The following FBF1 variants were observed in gnomAD, a reference collection of about 807,000 sequenced individuals.
The protein encoded by FBF1 is Fas binding factor 1, also known as fas-binding factor 1.
In FBF1, 119 loss-of-function variants were observed where a neutral mutation model predicts 147.2. The observed-to-expected ratio is 0.81, with a 90% CI of 0.70 to 0.94. The LOEUF (loss-of-function observed/expected upper bound fraction) is 0.94. Ranked by LOEUF, FBF1 falls within the 40% of genes least tolerant of loss-of-function variation. The pLI is 0.00. For missense variants in FBF1, 1,449 were observed against 1,500.8 expected (o/e 0.97, Z 0.57); for synonymous variants, 601 against 609.0 (o/e 0.99, Z 0.19).
intron 23 of FBF1, among the ~76,000 whole-genome samples, chr17:75,916,455 A>G (rs1157586914): frequency 6.6e-5 from 10 of 152,196 alleles, no homozygotes; most frequent in African/African-American, 2.4e-4. Context: ...CCCACATCTC[A>G]GTAAAAAATA....
chr17:75,921,616 G>A (rs527923844), intron 15 of FBF1, 56 bp from the exon 16 acceptor site: 3 of 1,387,830 alleles, frequency 2.2e-6, no homozygotes, highest in East Asian at 2.4e-5. Flanking sequence ...CACGGGGACG[G>A]GGCAGGGTGG....
intron 3 of FBF1, among the ~76,000 whole-genome samples, 191 bp from the exon 4 acceptor site, chr17:75,935,864 C>T (rs2065621488): frequency 6.6e-6 from 1 of 152,136 alleles, no homozygotes; most frequent in Non-Finnish European, 1.5e-5. Context: ...GTTGAAATAC[C>T]CCGAGGCAGA....
At chr17:75,931,653 G>A (rs1014544086) in intron 5 of FBF1, among the ~76,000 whole-genome samples, 2 of 151,664 alleles carry the variant, frequency 1.3e-5, no homozygotes, top group South Asian at 2.1e-4. Context: ...GCGTGGTGGC[G>A]GGCACCTGTA....
At position 75,919,978 on chromosome 17, in the gene FBF1, A is replaced by G; in HGVS notation, c.1931+29T>C. 6.2e-7 allele frequency: 1 copy of G among 1,610,276 alleles called. No homozygotes were observed. ...GCCTTTGGGGTCAGTGTGAGATCCA[A>G]GGCAGAGCTGGGGCCAGCGCCAGGG... On this transcript the variant is annotated intron_variant, in intron 19 of 29. Coordinates refer to ENST00000636174, the MANE Select transcript of FBF1 (RefSeq NM_001319193.2). The surrounding 1 kb of genome is among the most constrained non-coding windows in gnomAD (Gnocchi z 5.0).
At chr17:75,913,616 G>T in intron 28 of FBF1, 86 bp downstream of exon 28, 1 of 1,062,046 alleles carries the variant, frequency 9.4e-7, no homozygotes, top group Non-Finnish European at 1.3e-6. Flanking sequence ...CGCCTTAACT[G>T]GAGCGGCTGG....
In FBF1 at chr17:75,925,928, G is replaced by A. The variant is rs1345088574; in HGVS notation, c.868+102C>T. The A allele has an allele frequency of 1.4e-6, 2 of 1,402,680 alleles. No individual in the cohort carries two copies. Among genetic ancestry groups the A allele is most frequent in the African/African-American group, 1.4e-5 (1 of 69,262 alleles). The allele number at this position is 1,402,680 out of a possible 1,614,324, so 86.9% of individuals were successfully genotyped here. ...GCTATAGACGTGTATAATCACATGT[G>A]TGTATCAGGATGTGAGGCTGATTTC... On this transcript the variant is annotated intron_variant, in intron 12 of 29. Coordinates refer to ENST00000636174, the MANE Select transcript of FBF1 (RefSeq NM_001319193.2). The surrounding 1 kb of genome is among the most constrained non-coding windows in gnomAD (Gnocchi z 5.0).
In FBF1 at chr17:75,918,155, C is replaced by T; in HGVS notation, c.2246+7G>A. 1 of 1,613,160 alleles carries T rather than the reference C, an allele frequency of 6.2e-7. No individual in the cohort carries two copies. The highest frequency in any genetic ancestry group is 8.5e-7 in the Non-Finnish European group (1 of 1,179,706). ...TCAGGCGGGCATGGTTGGGGCAGCG[C>T]ACATACCGCGTGTGGGAGGTGGCAC... On this transcript the variant is annotated splice_region_variant and intron_variant, in intron 21 of 29. Coordinates refer to ENST00000636174, the MANE Select transcript of FBF1 (RefSeq NM_001319193.2). The surrounding 1 kb of genome is among the most constrained non-coding windows in gnomAD (Gnocchi z 5.8).
chr17:75,923,238 T>TC lies in FBF1; in HGVS notation c.1371dup (p.Thr458AspfsTer3), dbSNP rs1223792514. On this transcript the variant is annotated frameshift_variant, in exon 14 of 30. Coordinates refer to ENST00000636174, the MANE Select transcript of FBF1 (RefSeq NM_001319193.2). LOFTEE classifies it high-confidence loss of function. The surrounding 1 kb of genome is among the most constrained non-coding windows in gnomAD (Gnocchi z 4.1). ...CCCGCCAAATGCAGGCCCTCAGAGG[T>TC]CCCAGCATGCTGCTCTCTGGCCAGG... 6.3e-7 allele frequency: 1 copy of TC among 1,591,572 alleles called. No individual in the cohort carries two copies. Among genetic ancestry groups the TC allele is most frequent in the African/African-American group, 1.3e-5 (1 of 74,516 alleles).
At chr17:75,915,168 G>C (rs1289831487) in intron 23 of FBF1, 29 bp from the exon 24 acceptor site, 3 of 1,596,278 alleles carry the variant, frequency 1.9e-6, no homozygotes, top group African/African-American at 1.3e-5. Flanking sequence ...GACTGAGAGC[G>C]TGGTTCCCGC....
intron 23 of FBF1, among the ~76,000 whole-genome samples, chr17:75,916,804 A>G (rs934982851): frequency 6.6e-5 from 10 of 152,278 alleles, no homozygotes; most frequent in Admixed American, 6.5e-5. Context: ...CAGGGACTGC[A>G]GGTGTGCACC....
rs1221401615 is a variant in FBF1 at position 75,937,646 on chromosome 17, G to A, written c.4-53C>T. ...AGAAAACCAAACAGTGAACACAGGT[G>A]GAAATTGGCAATGCAGAATGAATTG... On this transcript the variant is annotated intron_variant, in intron 2 of 29. Transcript: ENST00000636174. 5 of 1,602,940 alleles carry A rather than the reference G, an allele frequency of 3.1e-6. No individual in the cohort carries two copies. The East Asian group carries it at 1.1e-4, about 36-fold the overall frequency.
chr17:75,919,620 G>A lies in FBF1; in HGVS notation c.2138+48C>T. 6.5e-7 allele frequency: 1 copy of A among 1,545,930 alleles called. No individual in the cohort carries two copies. Among genetic ancestry groups the A allele is most frequent in the Non-Finnish European group, 8.7e-7 (1 of 1,147,064 alleles). Reference sequence around the variant, plus strand: ...GTCTCGTGGGGATGGCTCTCTTCCGGCTACTCCTTGCAAGCCTGCTCCCCA... The same window carrying A: ...GTCTCGTGGGGATGGCTCTCTTCCGACTACTCCTTGCAAGCCTGCTCCCCA... On this transcript the variant is annotated intron_variant, in intron 20 of 29. Transcript: ENST00000636174. This position sits in a 1 kb window ranked among gnomAD's most constrained non-coding sequence, Gnocchi z 5.0.
chr17:75,914,244 G>A lies in FBF1; in HGVS notation c.2869C>T (p.Leu957=). 6.3e-7 allele frequency: 1 copy of A among 1,594,294 alleles called. No homozygotes were observed. The highest frequency in any genetic ancestry group is 8.5e-7 in the Non-Finnish European group (1 of 1,172,882). ...TCCAGGGCTGCTCTCTCCGCTGCCA[G>A]CTGCTTCTCCTCGGCCCGGAGCTCG... ...ASELRAEEKQ[L]AAERAALEQE... Residue 957 remains leucine, a synonymous_variant, in exon 26 of 30, where the codon CTG becomes TTG. Transcript: ENST00000636174.
Position 75,919,935 on chromosome 17 carries a change from C to T in FBF1, c.1932-61G>A. The T allele has an allele frequency of 6.2e-7, 1 of 1,611,684 alleles. No individual in the cohort carries two copies. The highest frequency in any genetic ancestry group is 8.5e-7 in the Non-Finnish European group (1 of 1,178,464). On this transcript the variant is annotated intron_variant, in intron 19 of 29. Coordinates refer to ENST00000636174, the MANE Select transcript of FBF1 (RefSeq NM_001319193.2). The surrounding 1 kb of genome is among the most constrained non-coding windows in gnomAD (Gnocchi z 5.0). ...GCAGAGGGCTGCCGCCTAAAGGCCTCTCCAGGCACACTGGGTGGCCTTTGG... is the reference window on the plus strand; with the variant it reads ...GCAGAGGGCTGCCGCCTAAAGGCCTTTCCAGGCACACTGGGTGGCCTTTGG...
In FBF1 at chr17:75,926,806, GT is replaced by G. The variant is rs1315917590; in HGVS notation, c.546del (p.Gln183ArgfsTer13). On this transcript the variant is annotated frameshift_variant, in exon 10 of 30. Transcript: ENST00000636174. LOFTEE classifies it high-confidence loss of function. ...EGGITKQPPVTQSKTASDKSP... is the reference protein window; with the variant it reads ...EGGITKQPPVXQSKTASDKSP... ...CTCTTGTCAGAAGCTGTTTTACTCT[GT>G]GTCACAGGCGGCTGCTTGGTGATTC... 6.2e-7 allele frequency: 1 copy of G among 1,613,908 alleles called. No individual in the cohort carries two copies. Among genetic ancestry groups the G allele is most frequent in the African/African-American group, 1.3e-5 (1 of 75,062 alleles).
In FBF1 at chr17:75,918,651, C is replaced by T. The variant is rs139002688; in HGVS notation, c.2139-382G>A. Among the ~76,000 whole-genome samples, 316 of 152,044 alleles carry T rather than the reference C, an allele frequency of 2.1e-3. 1 individual carries two copies. Among genetic ancestry groups the T allele is most frequent in the Admixed American group, 7.7e-3 (117 of 15,236 alleles). ...TGGCTGGGACTATAGGCGCTCACCA[C>T]GCCTAATTTTTTATATTTTAGTAGA... On this transcript the variant is annotated intron_variant, in intron 20 of 29. Coordinates refer to ENST00000636174, the MANE Select transcript of FBF1 (RefSeq NM_001319193.2). This position sits in a 1 kb window ranked among gnomAD's most constrained non-coding sequence, Gnocchi z 5.8.
rs1567856554 is a variant in FBF1 at position 75,912,318 on chromosome 17, CAAGGAGGAAGTCAGGG to C, written c.3248-27_3248-12del. 1 of 1,566,164 alleles carries C rather than the reference CAAGGAGGAAGTCAGGG, an allele frequency of 6.4e-7. No individual in the cohort carries two copies. The highest frequency in any genetic ancestry group is 1.2e-5 in the South Asian group (1 of 84,886). On this transcript the variant is annotated splice_polypyrimidine_tract_variant and intron_variant, in intron 28 of 29. Transcript: ENST00000636174. ...CAGGAGGCATGAGGGCTGAAAAGGC[CAAGGAGGAAGTCAGGG>C]ACCAAAGTGTTGGTGGAAATACCGG... is the stretch of plus-strand genomic sequence containing the variant.
chr17:75,917,518 C>T (rs1451687383), intron 23 of FBF1, among the ~76,000 whole-genome samples: 4 of 1,460 alleles, frequency 2.7e-3, no homozygotes, highest in Non-Finnish European at 3.6e-3. Context: ...GCGGACAGGG[C>T]GTGGTGGGGG....
chr17:75,940,650 C>G (rs1207635828), intron 1 of FBF1, 198 bp downstream of exon 1: 2 of 153,864 alleles, frequency 1.3e-5, no homozygotes, highest in African/African-American at 4.8e-5. Context: ...CCTATCGATC[C>G]TGTACGGGCT....
Sources: gnomAD v4.1 joint callset for allele counts (sites outside exome capture counted in the v4.1 genomes callset) on GRCh38, gnomAD v4.1.1 for gene constraint, Gnocchi (gnomAD v3.1) non-coding constraint, MANE v1.5 for transcripts, NCBI Gene and HGNC (gene_info 2026-07-23, HGNC 2026-07-21) for gene names.